Variants in HACL1 observed in about 807,000 individuals in gnomAD.
The protein encoded by HACL1 is 2-hydroxyacyl-CoA lyase 1.
Under a neutral mutation model 74.2 loss-of-function variants are expected in HACL1, and 64 were observed. That is an observed-to-expected ratio of 0.86 (90% CI 0.70 to 1.06). The LOEUF is 1.06. Ranked by LOEUF, HACL1 falls within the 50% of genes least tolerant of loss-of-function variation. The pLI is 0.00. For synonymous variants in HACL1, 230 were observed against 238.8 expected (o/e 0.96, Z 0.34); for missense variants, 728 against 719.7 (o/e 1.01, Z -0.13).
At chr3:15,562,923 G>A (rs2063367270) in intron 16 of HACL1, among the ~76,000 whole-genome samples, 1 of 151,944 alleles carries the variant, frequency 6.6e-6, no homozygotes, top group African/African-American at 2.4e-5. Flanking sequence ...CCTTTGCCGA[G>A]TTAGTCTCTG....
At chr3:15,586,649 T>TA (rs751678277) in intron 5 of HACL1, 47 bp from the exon 6 acceptor site, 2 of 1,047,548 alleles carry the variant, frequency 1.9e-6, no homozygotes, top group Admixed American at 3.7e-5. Context: ...ACAATCATGT[T>TA]ACTCTCCTGA....
At chr3:15,561,028 G>C (rs1279084009) in intron 16 of HACL1, 131 bp from the exon 17 acceptor site, 2 of 714,646 alleles carry the variant, frequency 2.8e-6, no homozygotes, top group Non-Finnish European at 4.8e-6. Flanking sequence ...TCTTTGTTCT[G>C]GTGCTTTTCC....
At chr3:15,592,607 T>C (rs565928878) in intron 3 of HACL1, among the ~76,000 whole-genome samples, 5,982 of 88,080 alleles carry the variant, frequency 0.068, 318 homozygotes, top group Non-Finnish European at 0.094. Context: ...TGTACGCACA[T>C]GTGTGCGTGT....
intron 11 of HACL1, 112 bp downstream of exon 11, chr3:15,573,047 A>G: frequency 1.5e-6 from 1 of 648,516 alleles, no homozygotes; most frequent in East Asian, 2.7e-5. Flanking sequence ...CATTTTGTTT[A>G]AAACAGATAT....
At chr3:15,571,829 C>CTTTTTTTTTTTTTTTTTTTTTT (rs869072841) in intron 11 of HACL1, 60 bp from the exon 12 acceptor site, 1 of 193,682 alleles carries the variant, frequency 5.2e-6, no homozygotes, top group Non-Finnish European at 9.2e-6. Flanking sequence ...CCTTTTTTTT[C>CTTTTTTTTTTTTTTTTTTTTTT]TTTTTTTTTT....
intron 14 of HACL1, among the ~76,000 whole-genome samples, chr3:15,565,419 G>A (rs1041306029): frequency 2.6e-5 from 4 of 152,292 alleles, no homozygotes; most frequent in South Asian, 2.1e-4. Context: ...CAAGTAACTA[G>A]CACACACAAT....
intron 6 of HACL1, 41 bp from the exon 7 acceptor site, chr3:15,585,383 C>A: frequency 9.4e-7 from 1 of 1,064,876 alleles, no homozygotes; most frequent in South Asian, 1.3e-5. Flanking sequence ...TGTAAAATCT[C>A]AGTCTTATCA....
chr3:15,573,104 A>G lies in HACL1; in HGVS notation c.993+55T>C, dbSNP rs571600648. The G allele has an allele frequency of 3.6e-5, 34 of 933,416 alleles. No homozygotes were observed. In the African/African-American group the frequency reaches 5.2e-4, roughly 14 times the overall value. The allele number at this position is 933,416 out of a possible 1,614,324, so 57.8% of individuals were successfully genotyped here. A position where few individuals can be genotyped will look rare whatever the true frequency, so the allele number is the denominator to read the frequency against. On this transcript the variant is annotated intron_variant, in intron 11 of 16. Transcript: ENST00000321169. ...GTGAATCAAGATTAAAACATTTTCA[A>G]GAATTGACTATTCCCTAATAAGCAC...
At chr3:15,582,619 A>G (rs1405945132) in intron 8 of HACL1, among the ~76,000 whole-genome samples, 1 of 152,232 alleles carries the variant, frequency 6.6e-6, no homozygotes, top group Non-Finnish European at 1.5e-5. Flanking sequence ...TGATTTTTCC[A>G]AAATGTTTTA....
intron 9 of HACL1, 134 bp from the exon 10 acceptor site, chr3:15,575,216 A>G (rs1391959214): frequency 2.0e-6 from 1 of 505,694 alleles, no homozygotes; most frequent in Non-Finnish European, 3.6e-6. Context: ...TCTAGGGTAT[A>G]TTTGATCTTT....
chr3:15,591,650 T>C lies in HACL1; in HGVS notation c.258A>G (p.Pro86=), dbSNP rs985800319. The change falls in exon 4 of 17, where the codon CCA becomes CCG. Residue 86 remains proline (P), a synonymous_variant. Transcript: ENST00000321169. ...TACCGCCCAAGGCATGGATGAGACC[T>C]GGGCCAGAAACAACAAGGCAGACTC... ...RPGVCLVVSG[P]GLIHALGGMA... The C allele has an allele frequency of 2.9e-5, 46 of 1,612,166 alleles. No individual in the cohort carries two copies. Among genetic ancestry groups the C allele is most frequent in the Non-Finnish European group, 3.6e-5 (42 of 1,178,540 alleles).
chr3:15,592,509 TAC>T (rs1313058741), intron 3 of HACL1, among the ~76,000 whole-genome samples: 3 of 144,148 alleles, frequency 2.1e-5, no homozygotes, highest in Non-Finnish European at 4.5e-5. Context: ...CACTTGTATA[TAC>T]ACTTGTATAC....
intron 12 of HACL1, among the ~76,000 whole-genome samples, chr3:15,569,688 G>A (rs2063491401): frequency 6.6e-6 from 1 of 152,078 alleles, no homozygotes; most frequent in South Asian, 2.1e-4. Context: ...AGGCATGGTG[G>A]CACATGCCTG....
chr3:15,598,755 C>T (rs1039731483), intron 2 of HACL1, among the ~76,000 whole-genome samples: 1 of 152,238 alleles, frequency 6.6e-6, no homozygotes, highest in Non-Finnish European at 1.5e-5. Context: ...AGCCTGTTTT[C>T]ATGTTCCCTC....
intron 1 of HACL1, 82 bp downstream of exon 1, chr3:15,601,301 C>G: frequency 6.3e-7 from 1 of 1,591,476 alleles, no homozygotes; most frequent in Non-Finnish European, 8.6e-7. Flanking sequence ...CCCCATCGCC[C>G]ATTTCTACTC....
chr3:15,563,417 T>C lies in HACL1; in HGVS notation c.1645A>G (p.Thr549Ala). The change falls in exon 16 of 17, where the codon ACA becomes GCA. Residue 549 changes from threonine to alanine, a missense_variant. By Grantham distance (58) the Thr-to-Ala change is moderately conservative. Transcript: ENST00000321169. ...QKSLRQSLAD[T>A]TKPSLINIMI... ...ATGTTGATAAGAGAAGGTTTAGTTG[T>C]GTCTGCTAGGCTCTGCCTCAGGGAT... 6.2e-7 allele frequency: 1 copy of C among 1,613,696 alleles called. No homozygotes were observed. Among genetic ancestry groups the C allele is most frequent in the Non-Finnish European group, 8.5e-7 (1 of 1,179,600 alleles).
At chr3:15,564,806 C>A in intron 14 of HACL1, 148 bp from the exon 15 acceptor site, 1 of 537,114 alleles carries the variant, frequency 1.9e-6, no homozygotes, top group Non-Finnish European at 3.3e-6. Context: ...CATTTATTAT[C>A]CTAAGAAAGA....
chr3:15,595,604 C>CTTTTT (rs764183329), intron 3 of HACL1, among the ~76,000 whole-genome samples: 12 of 97,334 alleles, frequency 1.2e-4, no homozygotes, highest in Non-Finnish European at 1.8e-4. Flanking sequence ...ATCTTTTTTC[C>CTTTTT]TTTTTTTTTT....
Position 15,573,262 on chromosome 3 carries a change from A to G in HACL1, c.910-20T>C, listed in dbSNP as rs1235686088. 1.4e-6 allele frequency: 2 copies of G among 1,435,988 alleles called. No homozygotes were observed. The highest frequency in any genetic ancestry group is 2.3e-5 in the East Asian group (1 of 43,960). 89.0% of individuals were successfully genotyped at this position (1,435,988 alleles called of 1,614,324 possible). A position where few individuals can be genotyped will look rare whatever the true frequency, so the allele number is the denominator to read the frequency against. ...ATCAACCTAAAAAAGAGACAAGGCT[A>G]AAGAACAACCCATGTTTATTCTGAA... On this transcript the variant is annotated intron_variant, in intron 10 of 16. Coordinates refer to ENST00000321169, the MANE Select transcript of HACL1 (RefSeq NM_012260.4).
Sources: gnomAD v4.1 joint callset for allele counts (sites outside exome capture counted in the v4.1 genomes callset) on GRCh38, gnomAD v4.1.1 for gene constraint, MANE v1.5 for transcripts, NCBI Gene and HGNC (gene_info 2026-07-23, HGNC 2026-07-21) for gene names.